Variants in PPFIBP1 observed in about 807,000 individuals in gnomAD.
PPFIBP1 encodes PPFIB scaffold protein 1, also known as liprin-beta-1.
In PPFIBP1, 112 loss-of-function variants were observed where a neutral mutation model predicts 137.8. That is an observed-to-expected ratio of 0.81 (90% CI 0.70 to 0.95). The LOEUF is 0.95. Ranked by LOEUF, PPFIBP1 falls within the 40% of genes least tolerant of loss-of-function variation. The pLI is 0.00. For synonymous variants in PPFIBP1, 378 were observed against 417.3 expected, an observed-to-expected ratio of 0.91 and a Z score of 1.15; for missense variants, 1,083 against 1,196.6, an observed-to-expected ratio of 0.91 and a Z score of 1.40.
intron 11 of PPFIBP1, among the ~76,000 whole-genome samples, chr12:27,662,211 A>G (rs1404144888): frequency 6.6e-6 from 1 of 152,236 alleles, no homozygotes; most frequent in East Asian, 1.9e-4. Flanking sequence ...CAAAGGGTCC[A>G]TGAATCAAAA....
intron 22 of PPFIBP1, 67 bp from the exon 23 acceptor site, chr12:27,682,320 T>A: frequency 9.3e-7 from 1 of 1,075,960 alleles, no homozygotes; most frequent in East Asian, 2.4e-5. Context: ...TGGAGAAATT[T>A]GCATCCTTTG....
chr12:27,535,832 T>C (rs1044007594), intron 1 of PPFIBP1, among the ~76,000 whole-genome samples: 1 of 152,264 alleles, frequency 6.6e-6, no homozygotes, highest in Non-Finnish European at 1.5e-5. Flanking sequence ...ATTTCACTTC[T>C]TGACATGTGC....
chr12:27,524,825 AAT>A (rs1478852297), intron 1 of PPFIBP1, among the ~76,000 whole-genome samples: 2 of 152,038 alleles, frequency 1.3e-5, no homozygotes, highest in Non-Finnish European at 2.9e-5. Flanking sequence ...AAAGAATATC[AAT>A]GTTAGTCTTA....
chr12:27,602,663 A>T (rs2054122524), intron 2 of PPFIBP1, among the ~76,000 whole-genome samples: 1 of 152,188 alleles, frequency 6.6e-6, no homozygotes, highest in Non-Finnish European at 1.5e-5. Flanking sequence ...CTAAGTAACA[A>T]CCCTCTGGTA....
At position 27,658,831 on chromosome 12, in the gene PPFIBP1, A is replaced by G; in HGVS notation, c.827A>G (p.Lys276Arg). The change falls in exon 10 of 30, where the codon AAG becomes AGG. Residue 276 changes from lysine (K) to arginine (R), a missense_variant. By Grantham distance (26) the Lys-to-Arg change is conservative (BLOSUM62 2). Coordinates refer to ENST00000228425, the MANE Select transcript of PPFIBP1 (RefSeq NM_003622.4). ...TCCTGCACAGATGAAAATTTTAAAA[A>G]GAAGCTCAAAGAAAAAAGTAAGGTT... is the stretch of plus-strand genomic sequence containing the variant. ...EIVDRDENFK[K>R]KLKEKNIEVQ... 3 of 1,613,310 alleles carry G rather than the reference A, an allele frequency of 1.9e-6. No homozygotes were observed. The South Asian group carries it at 3.3e-5, about 18-fold the overall frequency.
At chr12:27,565,568 C>G (rs577526536) in intron 1 of PPFIBP1, among the ~76,000 whole-genome samples, 12 of 152,238 alleles carry the variant, frequency 7.9e-5, no homozygotes, top group Non-Finnish European at 1.8e-4. Context: ...CAGTTGTTTT[C>G]TCTCTACCTT....
At chr12:27,603,216 C>A (rs1222408121) in intron 2 of PPFIBP1, among the ~76,000 whole-genome samples, 1 of 152,186 alleles carries the variant, frequency 6.6e-6, no homozygotes, top group Non-Finnish European at 1.5e-5. Context: ...CCAGGTGCTG[C>A]ATCCTGCCAC....
intron 5 of PPFIBP1, among the ~76,000 whole-genome samples, chr12:27,646,857 A>G (rs1415928679): frequency 6.6e-6 from 1 of 152,216 alleles, no homozygotes; most frequent in Non-Finnish European, 1.5e-5. Context: ...AAACTCAAAG[A>G]TCTGCTGTAA....
chr12:27,677,960 G>A (rs1387024941), intron 19 of PPFIBP1: 2 of 152,072 alleles, frequency 1.3e-5, no homozygotes, highest in African/African-American at 2.4e-5. Flanking sequence ...ATGAACACTG[G>A]ATGCATAAAA....
At chr12:27,525,079 G>A (rs573679914) in intron 1 of PPFIBP1, among the ~76,000 whole-genome samples, 1 of 152,244 alleles carries the variant, frequency 6.6e-6, no homozygotes, top group East Asian at 1.9e-4. Flanking sequence ...TGAGGGGCGA[G>A]CTGGTAGTTG....
At chr12:27,589,790 C>CT (rs2052267229) in intron 2 of PPFIBP1, among the ~76,000 whole-genome samples, 1 of 152,180 alleles carries the variant, frequency 6.6e-6, no homozygotes, top group African/African-American at 2.4e-5. Context: ...GGTTGCAAGT[C>CT]TTTTGAGAGT....
At chr12:27,556,087 A>T (rs1202169549) in intron 1 of PPFIBP1, among the ~76,000 whole-genome samples, 3 of 152,204 alleles carry the variant, frequency 2.0e-5, no homozygotes, top group African/African-American at 7.2e-5. Flanking sequence ...TCTTGGCATC[A>T]CAACAGGCCA....
At position 27,679,514 on chromosome 12, in the gene PPFIBP1, G is replaced by A. The variant is rs978027422; in HGVS notation, c.1641G>A (p.Glu547=). The A allele has an allele frequency of 1.2e-5, 19 of 1,613,624 alleles. No individual in the cohort carries two copies. The highest frequency in any genetic ancestry group is 1.4e-5 in the Non-Finnish European group (16 of 1,179,866). Residue 547 remains glutamate (E), a synonymous_variant, in exon 20 of 30, where the codon GAG becomes GAA. Coordinates refer to ENST00000228425, the MANE Select transcript of PPFIBP1 (RefSeq NM_003622.4). ...CTGAAACAGAAAAAGAGACAGCAGA[G>A]CACCTAGATCTGGCTGGTGCTTCTT... is the stretch of plus-strand genomic sequence containing the variant. The part of the protein sequence containing the change: ...TLAETEKETA[E]HLDLAGASSR...
intron 4 of PPFIBP1, chr12:27,635,352 A>T: frequency 1.7e-6 from 1 of 596,806 alleles, no homozygotes; most frequent in Non-Finnish European, 3.0e-6. Flanking sequence ...ATAAAAACAG[A>T]CTGGCTTTTA....
Position 27,694,739 on chromosome 12 carries a change from T to G in PPFIBP1, c.*1857T>G, listed in dbSNP as rs2061698233. On this transcript the variant is annotated 3_prime_UTR_variant, in exon 30 of 30. Coordinates refer to ENST00000228425, the MANE Select transcript of PPFIBP1 (RefSeq NM_003622.4). ...ATTAGAAAAATATTCTATTTTTTAT[T>G]CAGTGCTGCGTAATTACCCATGGTA... The G allele has an allele frequency of 2.0e-5, 3 of 152,244 alleles. No individual in the cohort carries two copies. Among genetic ancestry groups the G allele is most frequent in the African/African-American group, 7.2e-5 (3 of 41,472 alleles). The allele number at this position is 152,244 out of a possible 1,614,324, so 9.4% of individuals were successfully genotyped here. A position where few individuals can be genotyped will look rare whatever the true frequency, so the allele number is the denominator to read the frequency against.
chr12:27,647,707 C>T, intron 5 of PPFIBP1, 22 bp from the exon 6 acceptor site: 1 of 1,485,016 alleles, frequency 6.7e-7, no homozygotes, highest in Admixed American at 2.1e-5. Flanking sequence ...TCACTCATTG[C>T]ATTATTTTGC....
chr12:27,635,016 A>T lies in PPFIBP1; in HGVS notation c.171A>T (p.Gly57=), dbSNP rs2139072955. 1.2e-6 allele frequency: 2 copies of T among 1,614,174 alleles called. No individual in the cohort carries two copies. Among genetic ancestry groups the T allele is most frequent in the Non-Finnish European group, 8.5e-7 (1 of 1,180,000 alleles). Residue 57 remains glycine, a synonymous_variant, in exon 4 of 30, where the codon GGA becomes GGT. Coordinates refer to ENST00000228425, the MANE Select transcript of PPFIBP1 (RefSeq NM_003622.4). ...TGCACCTTGTGGAAGACCTGCGTGG[A>T]TTGTTAGAGATGATGGAAACAGATG... The part of the protein sequence containing the change: ...RALHLVEDLR[G]LLEMMETDEK...
rs1470130143 is a variant in PPFIBP1 at position 27,694,035 on chromosome 12, GC to G, written c.*1154del. 1 of 151,944 alleles carries G rather than the reference GC, an allele frequency of 6.6e-6. No homozygotes were observed. The allele number at this position is 151,944 out of a possible 1,614,324, so 9.4% of individuals were successfully genotyped here. A position where few individuals can be genotyped will look rare whatever the true frequency, so the allele number is the denominator to read the frequency against. On this transcript the variant is annotated 3_prime_UTR_variant, in exon 30 of 30. Coordinates refer to ENST00000228425, the MANE Select transcript of PPFIBP1 (RefSeq NM_003622.4). ...GACAGAGTCTCATTCTGTTGCCCAT[GC>G]TGGAGTGCAGTGGCGTGATCATAGC...
At chr12:27,639,798 A>C (rs542222706) in intron 4 of PPFIBP1, among the ~76,000 whole-genome samples, 141 of 152,324 alleles carry the variant, frequency 9.3e-4, no homozygotes, top group African/African-American at 3.1e-3. Context: ...AGTTGCTATA[A>C]AAATAAAAAT....
Sources: allele counts gnomAD v4.1 joint callset (sites outside exome capture counted in the v4.1 genomes callset), GRCh38; gene constraint gnomAD v4.1.1; transcripts MANE v1.5; gene names NCBI Gene and HGNC (gene_info 2026-07-23, HGNC 2026-07-21).